The following CNOT8 variants were observed in gnomAD, a reference collection of about 807,000 sequenced individuals.
CNOT8 encodes CCR4-NOT transcription complex subunit 8.
Under a neutral mutation model 34.6 loss-of-function variants are expected in CNOT8, and 18 were observed. That is an observed-to-expected ratio of 0.52 (90% CI 0.36 to 0.77). The LOEUF is 0.77. Among genes scored for constraint, CNOT8 ranks in the 30% least tolerant of loss-of-function variants. The pLI is 0.00. For missense variants in CNOT8, 189 were observed against 347.9 expected, an observed-to-expected ratio of 0.54 and a Z score of 3.63; for synonymous variants, 101 against 118.8, an observed-to-expected ratio of 0.85 and a Z score of 0.98.
In CNOT8 at chr5:154,871,890, C is replaced by A; in HGVS notation, c.618+16C>A. The A allele has an allele frequency of 6.3e-7, 1 of 1,599,232 alleles. No homozygotes were observed. Among genetic ancestry groups the A allele is most frequent in the South Asian group, 1.1e-5 (1 of 89,206 alleles). ...AAATCTTAAGGTATATGATGTTTTTCTTAATACCAGTAACAAAAAGAAGGA... is the reference window on the plus strand; with the variant it reads ...AAATCTTAAGGTATATGATGTTTTTATTAATACCAGTAACAAAAAGAAGGA... On this transcript the variant is annotated intron_variant, in intron 5 of 6. Transcript: ENST00000285896.
Position 154,870,898 on chromosome 5 carries a change from T to C in CNOT8, c.473+76T>C, listed in dbSNP as rs144883624. On this transcript the variant is annotated intron_variant, in intron 4 of 6. Transcript: ENST00000285896. ...CAGGGAATTGAATTCTTAGTCATTT[T>C]TGCAGTCCTAGTGACTGTTCTGTTC... 4.9e-4 allele frequency: 651 copies of C among 1,331,442 alleles called. 5 individuals are homozygous for C. In the African/African-American group the frequency reaches 8.4e-3, roughly 17 times the overall value. 82.5% of individuals were successfully genotyped at this position (1,331,442 alleles called of 1,614,324 possible).
intron 2 of CNOT8, 139 bp downstream of exon 2, chr5:154,863,534 G>T: frequency 1.4e-6 from 1 of 691,942 alleles, no homozygotes; most frequent in East Asian, 2.6e-5. Flanking sequence ...GGCTCAAGCA[G>T]TCCTCCCACC....
intron 2 of CNOT8, among the ~76,000 whole-genome samples, chr5:154,864,669 T>C (rs1761694819): frequency 6.6e-6 from 1 of 152,214 alleles, no homozygotes; most frequent in Admixed American, 6.5e-5. Flanking sequence ...ACTCTTTCTA[T>C]TGACATTCTG....
chr5:154,865,121 A>C (rs1006895217), intron 2 of CNOT8, 71 bp from the exon 3 acceptor site: 2 of 1,250,306 alleles, frequency 1.6e-6, no homozygotes, highest in Non-Finnish European at 2.2e-6. Context: ...GTAAAATTTT[A>C]TTTATGAATT....
chr5:154,861,892 G>T (rs1761377241), intron 1 of CNOT8, among the ~76,000 whole-genome samples: 1 of 152,172 alleles, frequency 6.6e-6, no homozygotes, highest in Non-Finnish European at 1.5e-5. Context: ...TAGAGACGGA[G>T]TTTCACCGTG....
chr5:154,863,385 A>T lies in CNOT8; in HGVS notation c.107A>T (p.Tyr36Phe). 2 of 1,609,580 alleles carry T rather than the reference A, an allele frequency of 1.2e-6. No homozygotes were observed. Among genetic ancestry groups the T allele is most frequent in the Non-Finnish European group, 1.7e-6 (2 of 1,175,946 alleles). Residue 36 changes from tyrosine (Y) to phenylalanine (F), a missense_variant, in exon 2 of 7, where the codon TAT (tyrosine) becomes TTT (phenylalanine). Physicochemically the swap from Tyr to Phe is conservative, Grantham distance 22. Around this residue, in one of 2 missense-constraint regions of CNOT8, gnomAD observed 160 missense variants for 321.9 expected, o/e 0.50. Coordinates refer to ENST00000285896, the MANE Select transcript of CNOT8 (RefSeq NM_001301073.2). Reference protein sequence around the residue: ...KIREIVLSYSYIAMDTEFPGV... With the variant: ...KIREIVLSYSFIAMDTEFPGV... Reference sequence around the variant, plus strand: ...CGAGAAATCGTGCTCAGTTACAGTTATATTGCCATGGTAAGGAGCTCTACT... The same window carrying T: ...CGAGAAATCGTGCTCAGTTACAGTTTTATTGCCATGGTAAGGAGCTCTACT...
intron 3 of CNOT8, 111 bp from the exon 4 acceptor site, chr5:154,870,550 G>T: frequency 1.3e-6 from 1 of 783,998 alleles, no homozygotes; most frequent in South Asian, 1.9e-5. Flanking sequence ...ATTAAGTTAG[G>T]AAAAGCATTT....
At chr5:154,873,399 A>T (rs2030212541) in intron 6 of CNOT8, among the ~76,000 whole-genome samples, 1 of 152,112 alleles carries the variant, frequency 6.6e-6, no homozygotes, top group Non-Finnish European at 1.5e-5. Context: ...CCTTTCAGTT[A>T]TTTGCTTTTT....
chr5:154,873,329 G>A (rs1762656604), intron 6 of CNOT8, among the ~76,000 whole-genome samples: 1 of 152,208 alleles, frequency 6.6e-6, no homozygotes, highest in Non-Finnish European at 1.5e-5. Flanking sequence ...CCACTTTCCA[G>A]TAACCAAGTA....
At chr5:154,871,697 C>T in intron 4 of CNOT8, 33 bp from the exon 5 acceptor site, 2 of 1,603,050 alleles carry the variant, frequency 1.2e-6, no homozygotes, top group East Asian at 2.2e-5. Context: ...ATAACCACTG[C>T]TTTTTTAACC....
chr5:154,869,169 G>T (rs1162221514), intron 3 of CNOT8, among the ~76,000 whole-genome samples: 2 of 152,014 alleles, frequency 1.3e-5, no homozygotes, highest in Non-Finnish European at 2.9e-5. Context: ...GCCCAGGCTG[G>T]AGTGTGATGG....
At chr5:154,858,366 C>G (rs1246969160), upstream of CNOT8, 1 of 152,276 alleles carries the variant, frequency 6.6e-6, no homozygotes, top group Non-Finnish European at 1.5e-5. Flanking sequence ...GCCTCCACTC[C>G]CCACCTATTC....
chr5:154,863,021 G>T (rs1183094383), intron 1 of CNOT8, among the ~76,000 whole-genome samples, 186 bp from the exon 2 acceptor site: 1 of 152,252 alleles, frequency 6.6e-6, no homozygotes, highest in East Asian at 1.9e-4. Context: ...AACTGTGTGT[G>T]TGTGCGTGTG....
At chr5:154,866,124 G>GT (rs1761842605) in intron 3 of CNOT8, among the ~76,000 whole-genome samples, 3 of 152,234 alleles carry the variant, frequency 2.0e-5, no homozygotes, top group African/African-American at 7.2e-5. Context: ...ATCCTGCTTT[G>GT]TTTAACTGGG....
chr5:154,872,378 A>G (rs1169071258), intron 5 of CNOT8, among the ~76,000 whole-genome samples, 163 bp from the exon 6 acceptor site: 1 of 152,242 alleles, frequency 6.6e-6, no homozygotes, highest in African/African-American at 2.4e-5. Flanking sequence ...AGCGTCTGGA[A>G]AAAGGGAATA....
At chr5:154,872,493 G>T (rs1762576120) in intron 5 of CNOT8, 48 bp from the exon 6 acceptor site, 1 of 1,241,424 alleles carries the variant, frequency 8.1e-7, no homozygotes, top group East Asian at 2.4e-5. Flanking sequence ...GCTCCAGTAG[G>T]GGCATGTTGG....
chr5:154,868,456 G>A (rs937773665), intron 3 of CNOT8, among the ~76,000 whole-genome samples: 11 of 151,900 alleles, frequency 7.2e-5, no homozygotes, highest in African/African-American at 2.7e-4. Flanking sequence ...GTAAAGACGG[G>A]GTTTCACCAT....
At chr5:154,870,617 G>GT in intron 3 of CNOT8, 44 bp from the exon 4 acceptor site, 1 of 1,534,068 alleles carries the variant, frequency 6.5e-7, no homozygotes. Flanking sequence ...CACTACTTCT[G>GT]TTTCATTATT....
chr5:154,874,358 C>T (rs1380960793), intron 6 of CNOT8, among the ~76,000 whole-genome samples: 3 of 151,926 alleles, frequency 2.0e-5, no homozygotes, highest in Non-Finnish European at 4.4e-5. Context: ...AAGTGGATCA[C>T]TTGAGGTCAG....
Sources: gnomAD v4.1 joint callset for allele counts (sites outside exome capture counted in the v4.1 genomes callset) on GRCh38, gnomAD v4.1.1 for gene constraint, gnomAD v4.1.1 regional missense constraint, MANE v1.5 for transcripts, NCBI Gene and HGNC (gene_info 2026-07-23, HGNC 2026-07-21) for gene names.